The following SLCO1B1 variants were observed in gnomAD, a reference collection of about 807,000 sequenced individuals.
The protein encoded by SLCO1B1 is OATP-2.
SLCO1B1 carries 81 observed loss-of-function variants against 70.1 expected under a neutral mutation model. The observed-to-expected ratio is 1.16, with a 90% CI of 0.97 to 1.39. The LOEUF (loss-of-function observed/expected upper bound fraction) is 1.39, where lower values mean the gene tolerates loss of function less well. SLCO1B1 is among the 40% of genes most tolerant of loss of function. The probability of loss-of-function intolerance (pLI) is 0.00; values close to 1 mark genes in which losing one functional copy is unlikely to be tolerated. For synonymous variants in SLCO1B1, 283 were observed against 271.5 expected, an observed-to-expected ratio of 1.04 and a Z score of -0.42; for missense variants, 895 against 799.6, an observed-to-expected ratio of 1.12 and a Z score of -1.44.
chr12:21,197,068 A>G lies in SLCO1B1; in HGVS notation c.850A>G (p.Asn284Asp), dbSNP rs779059572. The change falls in exon 8 of 15, where the codon AAT becomes GAT. Residue 284 changes from asparagine to aspartate, a missense_variant. Asn to Asp is a conservative substitution (Grantham distance 23). Transcript: ENST00000256958. ...IPFFFLPQTPNKPQKERKASL... is the reference protein window; with the variant it reads ...IPFFFLPQTPDKPQKERKASL... ...ATTCTTTTTCTTGCCCCAAACTCCAAATAAACCACAAAAAGAAAGAAAAGC... is the reference window on the plus strand; with the variant it reads ...ATTCTTTTTCTTGCCCCAAACTCCAGATAAACCACAAAAAGAAAGAAAAGC... 6.2e-7 allele frequency: 1 copy of G among 1,613,792 alleles called. No individual in the cohort carries two copies. The highest frequency in any genetic ancestry group is 8.5e-7 in the Non-Finnish European group (1 of 1,179,774).
intron 2 of SLCO1B1, among the ~76,000 whole-genome samples, chr12:21,166,059 A>T (rs929855328): frequency 6.6e-6 from 1 of 152,150 alleles, no homozygotes; most frequent in African/African-American, 2.4e-5. Context: ...GTGGGACACT[A>T]TCAGGTGAAC....
chr12:21,188,806 T>C (rs1940992597), intron 7 of SLCO1B1, among the ~76,000 whole-genome samples: 1 of 152,192 alleles, frequency 6.6e-6, no homozygotes, highest in African/African-American at 2.4e-5. Flanking sequence ...CAATAACCAT[T>C]CTACTCTTTG....
chr12:21,229,736 A>G (rs546536492), intron 14 of SLCO1B1, among the ~76,000 whole-genome samples: 1 of 152,308 alleles, frequency 6.6e-6, no homozygotes, highest in South Asian at 2.1e-4. Flanking sequence ...CCTTGCAATA[A>G]TTGCTTATTA....
chr12:21,137,244 G>C (rs960555526), intron 1 of SLCO1B1, among the ~76,000 whole-genome samples: 1 of 152,116 alleles, frequency 6.6e-6, no homozygotes, highest in Non-Finnish European at 1.5e-5. Flanking sequence ...CGCCCCTACT[G>C]GGGGGTGCCT....
intron 11 of SLCO1B1, among the ~76,000 whole-genome samples, chr12:21,209,777 T>G (rs372609666): frequency 6.6e-6 from 1 of 150,896 alleles, no homozygotes; most frequent in Non-Finnish European, 1.5e-5. Flanking sequence ...GGTATCTCAT[T>G]GTGGTTTTGA....
chr12:21,209,525 G>T (rs1311105443), intron 11 of SLCO1B1, among the ~76,000 whole-genome samples: 1 of 152,264 alleles, frequency 6.6e-6, no homozygotes, highest in Non-Finnish European at 1.5e-5. Flanking sequence ...ACATACGTGT[G>T]CATGTGTCTT....
chr12:21,202,651 C>G lies in SLCO1B1; in HGVS notation c.1296C>G (p.Asn432Lys), dbSNP rs534931824. The part of the protein sequence containing the change: ...YLLYFFILCE[N>K]KSVAGLTMTY... ...TATATTTTTTCATACTCTGTGAAAA[C>G]AAATCAGTTGCCGGACTAACCATGA... The change falls in exon 10 of 15, where the codon AAC (asparagine) becomes AAG (lysine). Residue 432 changes from asparagine to lysine, a missense_variant. Transcript: ENST00000256958. 1.2e-6 allele frequency: 2 copies of G among 1,612,498 alleles called. No individual in the cohort carries two copies. The highest frequency in any genetic ancestry group is 1.7e-6 in the Non-Finnish European group (2 of 1,179,296).
intron 11 of SLCO1B1, among the ~76,000 whole-genome samples, chr12:21,206,577 A>G (rs1402033755): frequency 6.6e-6 from 1 of 151,614 alleles, no homozygotes; most frequent in Non-Finnish European, 1.5e-5. Context: ...TTCTATTTTG[A>G]TTTTTCCAAA....
chr12:21,174,896 C>T (rs180882600), intron 4 of SLCO1B1, among the ~76,000 whole-genome samples, 187 bp downstream of exon 4: 1 of 151,974 alleles, frequency 6.6e-6, no homozygotes, highest in Non-Finnish European at 1.5e-5. Flanking sequence ...CTTTCATATA[C>T]TTTGAAATAA....
chr12:21,137,754 G>A (rs934360326), intron 1 of SLCO1B1, among the ~76,000 whole-genome samples: 9 of 152,342 alleles, frequency 5.9e-5, no homozygotes, highest in African/African-American at 2.2e-4. Context: ...TCTCTGACTA[G>A]GAAAGGGAAT....
At chr12:21,189,059 G>A (rs1028575880) in intron 7 of SLCO1B1, among the ~76,000 whole-genome samples, 3 of 152,114 alleles carry the variant, frequency 2.0e-5, no homozygotes, top group Non-Finnish European at 2.9e-5. Context: ...TATGAATAGT[G>A]CTGCAATGAA....
At chr12:21,169,171 C>CTGTT (rs1226748469) in intron 2 of SLCO1B1, among the ~76,000 whole-genome samples, 1 of 152,044 alleles carries the variant, frequency 6.6e-6, no homozygotes, top group Non-Finnish European at 1.5e-5. Flanking sequence ...TTAAGAGTCT[C>CTGTT]TGTTTGTGTG....
chr12:21,224,447 G>A (rs1029949069), intron 13 of SLCO1B1, among the ~76,000 whole-genome samples: 60 of 152,060 alleles, frequency 3.9e-4, no homozygotes, highest in African/African-American at 1.3e-3. Context: ...TACCATTCAG[G>A]CTTAAGTTAA....
intron 10 of SLCO1B1, among the ~76,000 whole-genome samples, chr12:21,203,844 G>A (rs1941184447): frequency 6.6e-6 from 1 of 152,024 alleles, no homozygotes; most frequent in Non-Finnish European, 1.5e-5. Flanking sequence ...GTCACACAAT[G>A]TCTTTAGACT....
intron 1 of SLCO1B1, among the ~76,000 whole-genome samples, chr12:21,134,928 G>C (rs891012958): frequency 2.6e-5 from 4 of 151,886 alleles, no homozygotes; most frequent in Non-Finnish European, 5.9e-5. Flanking sequence ...GTGATGTTGG[G>C]GTGTCAATTT....
chr12:21,191,379 GA>G (rs35380692), intron 7 of SLCO1B1, among the ~76,000 whole-genome samples: 24,407 of 151,848 alleles, frequency 0.16, 2,634 homozygotes, highest in Non-Finnish European at 0.24. Flanking sequence ...TATTCTTTAT[GA>G]TTTTAGTGTA....
In SLCO1B1 at chr12:21,141,667, A is replaced by C. The variant is rs1419294678; in HGVS notation, c.84+9A>C. On this transcript the variant is annotated intron_variant, in intron 2 of 14. Coordinates refer to ENST00000256958, the MANE Select transcript of SLCO1B1 (RefSeq NM_006446.5). ...ACTGCAATGGATTGAAGGTAGAATA[A>C]GTTTTATGTTTTTGAGCTAAAATAA... 3 of 1,573,716 alleles carry C rather than the reference A, an allele frequency of 1.9e-6. 1 individual carries two copies. The South Asian group carries it at 3.4e-5, about 18-fold the overall frequency.
At chr12:21,225,983 A>G (rs1160213163) in intron 14 of SLCO1B1, among the ~76,000 whole-genome samples, 1 of 152,266 alleles carries the variant, frequency 6.6e-6, no homozygotes, top group Non-Finnish European at 1.5e-5. Flanking sequence ...ATGTCTTTCA[A>G]TAGGTGAATG....
chr12:21,236,559 A>G (rs2121213038), intron 14 of SLCO1B1, among the ~76,000 whole-genome samples: 1 of 152,280 alleles, frequency 6.6e-6, no homozygotes, highest in African/African-American at 2.4e-5. Context: ...CTGCATCAAG[A>G]GGGCAGAGGA....
Sources: allele counts gnomAD v4.1 joint callset (sites outside exome capture counted in the v4.1 genomes callset), GRCh38; gene constraint gnomAD v4.1.1; transcripts MANE v1.5; gene names NCBI Gene and HGNC (gene_info 2026-07-23, HGNC 2026-07-21).